The following NUP98 variants were observed in gnomAD, a reference collection of about 807,000 sequenced individuals.
The protein encoded by NUP98 is nucleoporin 98 and 96 precursor, also known as nuclear pore complex protein Nup98-Nup96.
A neutral mutation model predicts 191.9 loss-of-function variants in NUP98; 26 were observed. That is an observed-to-expected ratio of 0.14 (90% CI 0.10 to 0.19). The LOEUF (loss-of-function observed/expected upper bound fraction) is 0.19, where lower values mean the gene tolerates loss of function less well. NUP98 is among the 10% of genes least tolerant of loss of function. The pLI is 1.00. For synonymous variants in NUP98, 808 were observed against 778.4 expected (o/e 1.04, Z -0.63); for missense variants, 1,941 against 2,178.8 (o/e 0.89, Z 2.17).
At position 3,707,660 on chromosome 11, in the gene NUP98, C is replaced by T. The variant is rs550382082; in HGVS notation, c.2743-1033G>A. ...GCACATGCCTATAATCCCAGCTACT[C>T]GGGAGGCAATGGAGGTTGTAGTGAG... On this transcript the variant is annotated intron_variant, in intron 20 of 32. Coordinates refer to ENST00000324932, the MANE Select transcript of NUP98 (RefSeq NM_016320.5). 1.5e-4 allele frequency among the ~76,000 whole-genome samples: 21 copies of T among 136,626 alleles called. No individual in the cohort carries two copies. The East Asian group carries it at 2.3e-3, about 15-fold the overall frequency. 89.6% of individuals were successfully genotyped at this position (136,626 alleles called of 152,430 possible).
intron 12 of NUP98, among the ~76,000 whole-genome samples, chr11:3,742,744 A>G (rs772772372): frequency 1.3e-5 from 2 of 152,088 alleles, no homozygotes; most frequent in Middle Eastern, 3.4e-3. Context: ...TAAGGGTAAT[A>G]AAAACATAGG....
chr11:3,766,689 C>CA (rs544567161), intron 8 of NUP98, among the ~76,000 whole-genome samples: 7,999 of 58,384 alleles, frequency 0.14, 595 homozygotes, highest in African/African-American at 0.27. Context: ...AACTCCGTCT[C>CA]AAAAAAAAAA....
At chr11:3,762,591 T>A (rs2081211205) in intron 9 of NUP98, among the ~76,000 whole-genome samples, 1 of 152,076 alleles carries the variant, frequency 6.6e-6, no homozygotes, top group Admixed American at 6.6e-5. Flanking sequence ...ATTATCTGAT[T>A]CAAATAAAGC....
rs190227639 is a variant in NUP98 at position 3,791,057 on chromosome 11, A to G, written c.-29+6343T>C. Among the ~76,000 whole-genome samples the G allele has an allele frequency of 2.6e-3, 402 of 151,872 alleles. 3 individuals carry two copies. The highest frequency in any genetic ancestry group is 8.9e-3 in the African/African-American group (369 of 41,444). On this transcript the variant is annotated intron_variant, in intron 1 of 32. Coordinates refer to ENST00000324932, the MANE Select transcript of NUP98 (RefSeq NM_016320.5). ...ATTACAGGCGCCCGCCACCACGCCC[A>G]GCTAATTTTTTGTATTTTTAGTAGA...
intron 8 of NUP98, among the ~76,000 whole-genome samples, chr11:3,763,818 C>G (rs183591460): frequency 6.6e-6 from 1 of 152,100 alleles, no homozygotes; most frequent in African/African-American, 2.4e-5. Context: ...AAAATGCTGG[C>G]GTGAGCCACT....
At chr11:3,731,892 TG>T (rs1231829414) in intron 13 of NUP98, among the ~76,000 whole-genome samples, 1 of 152,186 alleles carries the variant, frequency 6.6e-6, no homozygotes, top group Non-Finnish European at 1.5e-5. Context: ...GCATTTCTTT[TG>T]AATGTCATGT....
chr11:3,730,418 G>T (rs1291724609), intron 14 of NUP98, among the ~76,000 whole-genome samples: 3 of 151,438 alleles, frequency 2.0e-5, no homozygotes, highest in Non-Finnish European at 4.4e-5. Flanking sequence ...GTACAGTGGT[G>T]GGATCCCAGC....
In NUP98 at chr11:3,775,923, T is replaced by C; in HGVS notation, c.454A>G (p.Ser152Gly). ...STSGSLFGPS[S>G]FTAAPTGTTI... Reference sequence around the variant, plus strand: ...GTCCCAGTAGGAGCAGCTGTAAAACTACTTGGCCCAAAGAGGGAGCCAGAT... The same window carrying C: ...GTCCCAGTAGGAGCAGCTGTAAAACCACTTGGCCCAAAGAGGGAGCCAGAT... Residue 152 changes from serine to glycine, a missense_variant, in exon 5 of 33, where the codon AGT becomes GGT. Physicochemically the swap from Ser to Gly is moderately conservative, Grantham distance 56. Transcript: ENST00000324932. 6.2e-7 allele frequency: 1 copy of C among 1,613,868 alleles called. No individual in the cohort carries two copies. Among genetic ancestry groups the C allele is most frequent in the Non-Finnish European group, 8.5e-7 (1 of 1,179,812 alleles).
chr11:3,702,484 G>C lies in NUP98; in HGVS notation c.3491C>G (p.Pro1164Arg), dbSNP rs779850130. 6.2e-7 allele frequency: 1 copy of C among 1,613,600 alleles called. No homozygotes were observed. The highest frequency in any genetic ancestry group is 8.5e-7 in the Non-Finnish European group (1 of 1,179,866). The change falls in exon 23 of 33, where the codon CCC becomes CGC. Residue 1164 changes from proline to arginine, a missense_variant. By Grantham distance (103) the Pro-to-Arg change is moderately radical. This residue lies in a region of NUP98 where 1,030 missense variants were observed against 1,115.8 expected (regional missense o/e 0.92). Transcript: ENST00000324932. ...TCACGGTTTAACAGCTACTGGATTG[G>C]GCAGGAATCCAAACTCCATGGAATC... The part of the protein sequence containing the change: ...IADSMEFGFL[P>R]NPVAVKPLTE...
At chr11:3,782,407 T>A (rs561576588) in intron 1 of NUP98, among the ~76,000 whole-genome samples, 2 of 151,742 alleles carry the variant, frequency 1.3e-5, no homozygotes, top group African/African-American at 4.9e-5. Context: ...TTTAAAACAA[T>A]GTTTTCAATC....
At chr11:3,762,628 A>G (rs1434157074) in intron 9 of NUP98, among the ~76,000 whole-genome samples, 4 of 152,210 alleles carry the variant, frequency 2.6e-5, no homozygotes, top group South Asian at 4.1e-4. Flanking sequence ...AGACTCAACA[A>G]TTTAACCAAT....
At chr11:3,729,298 G>C (rs559322046) in intron 14 of NUP98, among the ~76,000 whole-genome samples, 2 of 152,208 alleles carry the variant, frequency 1.3e-5, no homozygotes, top group Admixed American at 1.3e-4. Context: ...AAAGGGGACT[G>C]AGAAGCAGCA....
At chr11:3,720,990 G>GTGTGTGTA in intron 16 of NUP98, 165 bp from the exon 17 acceptor site, 1 of 480,742 alleles carries the variant, frequency 2.1e-6, no homozygotes, top group Non-Finnish European at 3.7e-6. Context: ...GTGTGTGTGT[G>GTGTGTGTA]TGTGTGTGTG....
At chr11:3,701,983 A>G (rs2078694663) in intron 23 of NUP98, among the ~76,000 whole-genome samples, 1 of 151,588 alleles carries the variant, frequency 6.6e-6, no homozygotes, top group South Asian at 2.1e-4. Context: ...TTATTTTTTC[A>G]AAGTCAACTT....
intron 1 of NUP98, among the ~76,000 whole-genome samples, chr11:3,785,824 G>C (rs1414529713): frequency 6.6e-6 from 1 of 151,428 alleles, no homozygotes; most frequent in Non-Finnish European, 1.5e-5. Context: ...CATTCCATTT[G>C]GATTTTACTC....
chr11:3,724,139 A>T (rs1478121255), intron 15 of NUP98, among the ~76,000 whole-genome samples: 12 of 152,230 alleles, frequency 7.9e-5, no homozygotes, highest in Non-Finnish European at 1.3e-4. Context: ...ATTTATAAAG[A>T]AAGAAATTTC....
intron 1 of NUP98, among the ~76,000 whole-genome samples, chr11:3,794,135 CTACAATA>C (rs756711532): frequency 5.9e-5 from 9 of 152,004 alleles, no homozygotes; most frequent in African/African-American, 1.5e-4. Context: ...GCTAAATATC[CTACAATA>C]TACAACAGAG....
chr11:3,737,219 C>T (rs557384274), intron 12 of NUP98, among the ~76,000 whole-genome samples: 1 of 151,328 alleles, frequency 6.6e-6, no homozygotes, highest in South Asian at 2.1e-4. Flanking sequence ...AAAGTTACTG[C>T]CAAAATATAA....
intron 20 of NUP98, among the ~76,000 whole-genome samples, chr11:3,707,913 C>T (rs1330289364): frequency 1.3e-5 from 2 of 151,746 alleles, no homozygotes; most frequent in Admixed American, 1.3e-4. Flanking sequence ...CCAGCCTGGT[C>T]AACATGAAGA....
Sources: gnomAD v4.1 joint callset for allele counts (sites outside exome capture counted in the v4.1 genomes callset) on GRCh38, gnomAD v4.1.1 for gene constraint, gnomAD v4.1.1 regional missense constraint, MANE v1.5 for transcripts, NCBI Gene and HGNC (gene_info 2026-07-23, HGNC 2026-07-21) for gene names.